THSD7B: variants seen among roughly 807,000 people sequenced by gnomAD.
THSD7B encodes the protein thrombospondin type-1 domain-containing protein 7B.
Under a neutral mutation model 213.6 loss-of-function variants are expected in THSD7B, and 138 were observed. The ratio of observed to expected loss-of-function variants is 0.65; its 90% CI spans 0.56 to 0.74. The LOEUF (loss-of-function observed/expected upper bound fraction) is 0.74. Among genes scored for constraint, THSD7B ranks in the 30% least tolerant of loss-of-function variants. THSD7B has a pLI of 0.00. For synonymous variants in THSD7B, 742 were observed against 687.0 expected (o/e 1.08, Z -1.25); for missense variants, 1,931 against 1,991.5 (o/e 0.97, Z 0.58).
intron 7 of THSD7B, among the ~76,000 whole-genome samples, chr2:137,228,989 A>G (rs1681578464): frequency 6.6e-6 from 1 of 152,224 alleles, no homozygotes; most frequent in South Asian, 2.1e-4. Flanking sequence ...AGAAAGATAG[A>G]GATGCTCTTC....
intron 1 of THSD7B, among the ~76,000 whole-genome samples, chr2:136,865,572 T>C (rs1475410267): frequency 6.6e-6 from 1 of 152,240 alleles, no homozygotes; most frequent in Non-Finnish European, 1.5e-5. Context: ...CTCAGTACTA[T>C]CAATATGCTC....
At chr2:136,871,779 G>A (rs1028320730) in intron 1 of THSD7B, among the ~76,000 whole-genome samples, 3 of 152,170 alleles carry the variant, frequency 2.0e-5, no homozygotes, top group Admixed American at 2.0e-4. Context: ...GCTTATCAGA[G>A]TAATTACTAC....
intron 14 of THSD7B, among the ~76,000 whole-genome samples, chr2:137,415,270 G>A (rs932130196): frequency 7.2e-5 from 11 of 151,986 alleles, no homozygotes; most frequent in Admixed American, 3.3e-4. Flanking sequence ...AGCATAATGT[G>A]TTCTATATGG....
At chr2:136,839,465 A>T (rs956364581) in intron 1 of THSD7B, among the ~76,000 whole-genome samples, 2 of 152,184 alleles carry the variant, frequency 1.3e-5, no homozygotes, top group Non-Finnish European at 2.9e-5. Context: ...TAGTAATAAT[A>T]ATAAAATCTC....
At chr2:137,410,223 G>A (rs1473361843) in intron 13 of THSD7B, among the ~76,000 whole-genome samples, 2 of 152,184 alleles carry the variant, frequency 1.3e-5, no homozygotes, top group East Asian at 3.9e-4. Flanking sequence ...TATCAGAAGT[G>A]TAGCTGAATC....
intron 17 of THSD7B, among the ~76,000 whole-genome samples, chr2:137,598,224 G>A (rs1405025184): frequency 1.3e-5 from 2 of 152,164 alleles, no homozygotes; most frequent in African/African-American, 4.8e-5. Flanking sequence ...ACAACAGTCT[G>A]CTAGATGGTA....
At chr2:136,892,937 C>A (rs1265998691) in intron 2 of THSD7B, among the ~76,000 whole-genome samples, 1 of 152,158 alleles carries the variant, frequency 6.6e-6, no homozygotes, top group Non-Finnish European at 1.5e-5. Context: ...CTTCATGTTG[C>A]AGAATTCATT....
At chr2:137,100,339 T>C (rs149882940) in intron 4 of THSD7B, among the ~76,000 whole-genome samples, 1 of 152,104 alleles carries the variant, frequency 6.6e-6, no homozygotes, top group African/African-American at 2.4e-5. Context: ...ACTTCCAGTC[T>C]GTGTTCACTT....
intron 17 of THSD7B, among the ~76,000 whole-genome samples, chr2:137,606,261 G>T (rs1448524227): frequency 6.6e-6 from 1 of 152,156 alleles, no homozygotes; most frequent in African/African-American, 2.4e-5. Context: ...CCTGTATGAG[G>T]AGAGCCCAGA....
At chr2:136,890,401 C>CT in intron 2 of THSD7B, among the ~76,000 whole-genome samples, 1 of 446 alleles carries the variant, frequency 2.2e-3, no homozygotes, top group African/African-American at 3.6e-3. Flanking sequence ...CTTCCTCTTC[C>CT]TCTTCCTCTT....
chr2:137,648,681 T>G (rs1378303689), intron 21 of THSD7B, among the ~76,000 whole-genome samples: 2 of 152,342 alleles, frequency 1.3e-5, no homozygotes, highest in East Asian at 3.9e-4. Context: ...TGTGCTGCAA[T>G]AAACATGGCA....
chr2:136,911,306 C>A (rs908324758), intron 2 of THSD7B, among the ~76,000 whole-genome samples: 3 of 151,898 alleles, frequency 2.0e-5, no homozygotes, highest in Non-Finnish European at 4.4e-5. Context: ...TCTTTAAATG[C>A]CATTCATTAA....
intron 2 of THSD7B, among the ~76,000 whole-genome samples, chr2:136,959,974 G>C (rs1318482689): frequency 6.6e-6 from 1 of 152,200 alleles, no homozygotes; most frequent in African/African-American, 2.4e-5. Context: ...AGAATTAAGA[G>C]CTGAATCGCT....
In THSD7B at chr2:137,160,356, C is replaced by T. The variant is rs1553475370; in HGVS notation, c.1513C>T (p.Gln505Ter). The T allele has an allele frequency of 6.2e-7, 1 of 1,611,032 alleles. No homozygotes were observed. Among genetic ancestry groups the T allele is most frequent in the Non-Finnish European group, 8.5e-7 (1 of 1,178,844 alleles). The change falls in exon 6 of 28, where the codon CAG becomes TAG. Residue 505 changes from glutamine (Q) to a stop codon, truncating the protein, a stop_gained. Coordinates refer to ENST00000409968, the MANE Select transcript of THSD7B (RefSeq NM_001316349.2). LOFTEE classifies it high-confidence loss of function. ...LCIHENCHDP[Q>*]GKKGFRTRQR... Reference sequence around the variant, plus strand: ...CATCCATGAAAACTGTCATGATCCTCAGGGGAAAAAAGGTGAGTGCCTTGT... The same window carrying T: ...CATCCATGAAAACTGTCATGATCCTTAGGGGAAAAAAGGTGAGTGCCTTGT...
At chr2:137,625,832 T>C (rs1488847341) in intron 20 of THSD7B, among the ~76,000 whole-genome samples, 1 of 152,208 alleles carries the variant, frequency 6.6e-6, no homozygotes, top group African/African-American at 2.4e-5. Flanking sequence ...GCAGCTCCAC[T>C]CCTGTGGCAT....
chr2:137,388,041 T>C (rs906684131), intron 12 of THSD7B, among the ~76,000 whole-genome samples: 4 of 152,198 alleles, frequency 2.6e-5, no homozygotes, highest in African/African-American at 9.6e-5. Flanking sequence ...AACATTATCA[T>C]GTAAGAGAGA....
At chr2:137,546,481 A>ATTATATATAT (rs1680742077) in intron 15 of THSD7B, among the ~76,000 whole-genome samples, 9 of 71,846 alleles carry the variant, frequency 1.3e-4, no homozygotes, top group African/African-American at 5.1e-4. Context: ...TATATATAAT[A>ATTATATATAT]TATATATATA....
At chr2:137,331,556 C>T (rs1475427522) in intron 12 of THSD7B, among the ~76,000 whole-genome samples, 1 of 152,222 alleles carries the variant, frequency 6.6e-6, no homozygotes, top group Non-Finnish European at 1.5e-5. Context: ...CCAGTGGATC[C>T]AGCACTGGGG....
chr2:137,052,988 G>T (rs1412197877), intron 2 of THSD7B, among the ~76,000 whole-genome samples: 1 of 152,020 alleles, frequency 6.6e-6, no homozygotes, highest in Non-Finnish European at 1.5e-5. Context: ...CTCAAAGTTT[G>T]CTTTAATATA....
Sources: gnomAD v4.1 joint callset for allele counts (sites outside exome capture counted in the v4.1 genomes callset) on GRCh38, gnomAD v4.1.1 for gene constraint, MANE v1.5 for transcripts, NCBI Gene and HGNC (gene_info 2026-07-23, HGNC 2026-07-21) for gene names.